MRTFB: variants seen among roughly 807,000 people sequenced by gnomAD.
MRTFB encodes myocardin related transcription factor B, also known as myocardin-related transcription factor B.
Under a neutral mutation model 104.2 loss-of-function variants are expected in MRTFB, and 29 were observed. The observed-to-expected ratio is 0.28, with a 90% CI of 0.21 to 0.38. The LOEUF (loss-of-function observed/expected upper bound fraction) is 0.38. Among genes scored for constraint, MRTFB ranks in the 10% least tolerant of loss-of-function variants. The pLI, the probability that MRTFB is intolerant of heterozygous loss-of-function variation, is 1.00. For synonymous variants in MRTFB, 535 were observed against 519.5 expected, an observed-to-expected ratio of 1.03 and a Z score of -0.41; for missense variants, 1,270 against 1,341.6, an observed-to-expected ratio of 0.95 and a Z score of 0.83.
At chr16:14,249,154 C>G in intron 13 of MRTFB, 73 bp downstream of exon 13, 1 of 1,520,158 alleles carries the variant, frequency 6.6e-7, no homozygotes, top group East Asian at 2.4e-5. Context: ...CAACAAGCAT[C>G]TTTGTAAACG....
intron 3 of MRTFB, chr16:14,200,258 T>G: frequency 6.8e-7 from 1 of 1,481,226 alleles, no homozygotes; most frequent in Non-Finnish European, 9.3e-7. Flanking sequence ...ATATGTTAGA[T>G]ACAGCCTTTA....
chr16:14,091,117 A>T (rs1324227561), intron 2 of MRTFB, among the ~76,000 whole-genome samples: 1 of 152,090 alleles, frequency 6.6e-6, no homozygotes, highest in Non-Finnish European at 1.5e-5. Context: ...TGGATGCTGG[A>T]TGCAAGGGGC....
At position 14,076,989 on chromosome 16, in the gene MRTFB, T is replaced by A. The variant is rs530310631; in HGVS notation, c.-128-2301T>A. 7.9e-5 allele frequency among the ~76,000 whole-genome samples: 12 copies of A among 152,364 alleles called. No homozygotes were observed. In the South Asian group the frequency reaches 2.3e-3, roughly 29 times the overall value. ...CATTTTTCTTTTGGATTGCTTTTTC[T>A]TACTAATTTCTATAAGTGTATAAAT... On this transcript the variant is annotated intron_variant, in intron 1 of 16. Coordinates refer to ENST00000571589, the MANE Select transcript of MRTFB (RefSeq NM_001308142.2).
upstream of MRTFB, among the ~76,000 whole-genome samples, chr16:14,070,973 C>T (rs1378367754): frequency 2.0e-5 from 3 of 152,226 alleles, no homozygotes; most frequent in Admixed American, 6.5e-5. Flanking sequence ...AAGTGCTCGG[C>T]GCGCAGCGAG....
At chr16:14,220,128 T>A (rs2041620030) in intron 8 of MRTFB, among the ~76,000 whole-genome samples, 1 of 152,154 alleles carries the variant, frequency 6.6e-6, no homozygotes, top group African/African-American at 2.4e-5. Flanking sequence ...CTAGAAGTAG[T>A]ATGAGGGTCA....
At chr16:14,218,276 GTC>G (rs2041516179) in intron 7 of MRTFB, among the ~76,000 whole-genome samples, 1 of 151,978 alleles carries the variant, frequency 6.6e-6, no homozygotes, top group Non-Finnish European at 1.5e-5. Context: ...AGCCAGGATG[GTC>G]TCGATCTCCT....
At chr16:14,204,047 C>T (rs1477333827) in intron 3 of MRTFB, among the ~76,000 whole-genome samples, 2 of 152,224 alleles carry the variant, frequency 1.3e-5, no homozygotes, top group African/African-American at 4.8e-5. Context: ...TGTATAGCCT[C>T]GAACTCCTGG....
the MRTFB span, among the ~76,000 whole-genome samples, chr16:14,040,650 A>T: frequency 6.6e-6 from 1 of 152,040 alleles, no homozygotes; most frequent in African/African-American, 2.4e-5. Flanking sequence ...TTTAGTACAG[A>T]TGGGGTTTCA....
At chr16:14,240,093 G>A (rs1454461478) in intron 9 of MRTFB, 144 bp from the exon 10 acceptor site, 41 of 1,006,310 alleles carry the variant, frequency 4.1e-5, no homozygotes, top group South Asian at 9.1e-5. Context: ...CTTTTGAAAC[G>A]AATTTAGCAT....
chr16:14,218,024 A>C (rs1056890426), intron 7 of MRTFB, among the ~76,000 whole-genome samples: 3 of 152,112 alleles, frequency 2.0e-5, no homozygotes, highest in Admixed American at 6.6e-5. Flanking sequence ...ACACCCAGTC[A>C]TGGCCCCATT....
chr16:14,192,139 A>T (rs1269570847), intron 3 of MRTFB, among the ~76,000 whole-genome samples: 3 of 151,874 alleles, frequency 2.0e-5, no homozygotes. Context: ...TGGGAGTCTG[A>T]GGCAGGAGGA....
chr16:14,068,821 T>G (rs2033547477), upstream of MRTFB, among the ~76,000 whole-genome samples: 1 of 152,140 alleles, frequency 6.6e-6, no homozygotes, highest in Non-Finnish European at 1.5e-5. Context: ...AATCAGTGAC[T>G]GAGTAAGGAA....
intron 3 of MRTFB, among the ~76,000 whole-genome samples, chr16:14,190,726 T>C (rs967813160): frequency 6.6e-6 from 1 of 152,236 alleles, no homozygotes; most frequent in Non-Finnish European, 1.5e-5. Flanking sequence ...AAAGTGCATT[T>C]CTTGCTCAAA....
At chr16:14,003,131 C>G in the MRTFB span, among the ~76,000 whole-genome samples, 1 of 152,104 alleles carries the variant, frequency 6.6e-6, no homozygotes, top group African/African-American at 2.4e-5. Context: ...TGTAGCTTTT[C>G]CCACATCACA....
intron 8 of MRTFB, among the ~76,000 whole-genome samples, chr16:14,224,182 A>G (rs1255999298): frequency 1.3e-5 from 2 of 152,224 alleles, no homozygotes; most frequent in Admixed American, 6.5e-5. Context: ...GAAAGGGGGA[A>G]GTCTGCCCCC....
rs1447931533 is a variant in MRTFB at position 14,246,801 on chromosome 16, G to T, written c.1541G>T (p.Ser514Ile). The change falls in exon 12 of 17, where the codon AGT becomes ATT. Residue 514 changes from serine to isoleucine, a missense_variant. Around this residue, in one of 3 missense-constraint regions of MRTFB, gnomAD observed 1,144 missense variants for 1,131.5 expected, o/e 1.01. Coordinates refer to ENST00000571589, the MANE Select transcript of MRTFB (RefSeq NM_001308142.2). The part of the protein sequence containing the change: ...PISPSPSEQS[S>I]LSTDDTNMAD... ...TCACCATCTCCCTCCGAACAGTCCAGTCTCAGTACTGATGACACAAACATG... is the reference window on the plus strand; with the variant it reads ...TCACCATCTCCCTCCGAACAGTCCATTCTCAGTACTGATGACACAAACATG... 1 of 1,613,432 alleles carries T rather than the reference G, an allele frequency of 6.2e-7. No individual in the cohort carries two copies. Among genetic ancestry groups the T allele is most frequent in the African/African-American group, 1.3e-5 (1 of 74,924 alleles).
chr16:14,072,106 A>G (rs1186379066), intron 1 of MRTFB, among the ~76,000 whole-genome samples: 1 of 152,136 alleles, frequency 6.6e-6, no homozygotes, highest in Non-Finnish European at 1.5e-5. Context: ...GCCTTAGGCA[A>G]AGGAAACTCT....
chr16:14,174,654 T>C (rs1436937003), intron 3 of MRTFB, among the ~76,000 whole-genome samples: 1 of 152,152 alleles, frequency 6.6e-6, no homozygotes, highest in African/African-American at 2.4e-5. Flanking sequence ...CCACACTCCA[T>C]CCTGGGCCAC....
intron 8 of MRTFB, among the ~76,000 whole-genome samples, chr16:14,220,443 A>G (rs551852013): frequency 6.6e-6 from 1 of 152,256 alleles, no homozygotes; most frequent in South Asian, 2.1e-4. Flanking sequence ...TGATCATTTC[A>G]CCTGCATGAA....
Sources: gnomAD v4.1 joint callset for allele counts (sites outside exome capture counted in the v4.1 genomes callset) on GRCh38, gnomAD v4.1.1 for gene constraint, gnomAD v4.1.1 regional missense constraint, MANE v1.5 for transcripts, NCBI Gene and HGNC (gene_info 2026-07-23, HGNC 2026-07-21) for gene names.